The following DPP6 variants were observed in gnomAD, a reference collection of about 807,000 sequenced individuals.
DPP6 encodes A-type potassium channel modulatory protein DPP6.
Under a neutral mutation model 122.6 loss-of-function variants are expected in DPP6, and 69 were observed. That is an observed-to-expected ratio of 0.56 (90% CI 0.46 to 0.69). The LOEUF is 0.69. Among genes scored for constraint, DPP6 ranks in the 30% least tolerant of loss-of-function variants. DPP6 has a pLI of 0.00. For missense variants in DPP6, 928 were observed against 1,116.9 expected (o/e 0.83, Z 2.41); for synonymous variants, 418 against 433.1 (o/e 0.97, Z 0.43).
intron 1 of DPP6, among the ~76,000 whole-genome samples, chr7:154,121,261 C>T (rs373780057): frequency 1.3e-5 from 2 of 152,174 alleles, no homozygotes; most frequent in Admixed American, 6.5e-5. Flanking sequence ...CTATTCTCTA[C>T]GTTATTTACT....
chr7:154,759,666 C>T (rs1587053481), intron 8 of DPP6, among the ~76,000 whole-genome samples: 1 of 152,244 alleles, frequency 6.6e-6, no homozygotes, highest in African/African-American at 2.4e-5. Flanking sequence ...CATTGTTCCA[C>T]AGTGCGCAGG....
intron 16 of DPP6, among the ~76,000 whole-genome samples, chr7:154,842,425 C>G (rs572965803): frequency 6.6e-6 from 1 of 152,080 alleles, no homozygotes; most frequent in Admixed American, 6.6e-5. Context: ...TTAATTACTT[C>G]GTTTTCCTCT....
intron 20 of DPP6, among the ~76,000 whole-genome samples, chr7:154,879,898 G>A (rs1002527785): frequency 4.6e-5 from 7 of 152,186 alleles, no homozygotes; most frequent in East Asian, 1.9e-4. Context: ...TGAGGCCTCC[G>A]CCACGTGGAG....
intron 1 of DPP6, among the ~76,000 whole-genome samples, chr7:154,045,803 G>A (rs539581433): frequency 1.3e-3 from 194 of 152,306 alleles, no homozygotes; most frequent in African/African-American, 4.4e-3. Context: ...GCTTCACTTT[G>A]AGGAGTACTG....
rs544585012 is a variant in DPP6, at chr7:154,352,366, G to A, written c.244-93848G>A. Among the ~76,000 whole-genome samples the A allele has an allele frequency of 2.0e-5, 3 of 152,178 alleles. No individual in the cohort carries two copies. In the South Asian group the frequency reaches 6.2e-4, roughly 32 times the overall value. On this transcript the variant is annotated intron_variant, in intron 1 of 25. Transcript: ENST00000377770. Reference sequence around the variant, plus strand: ...TGGTCCCAGCTACTCAGGAGGCTGAGGCAGGAGAATGGCCAGAACCCGGGA... The same window carrying A: ...TGGTCCCAGCTACTCAGGAGGCTGAAGCAGGAGAATGGCCAGAACCCGGGA...
chr7:154,491,349 G>C (rs191924227), intron 3 of DPP6, among the ~76,000 whole-genome samples: 6 of 152,262 alleles, frequency 3.9e-5, no homozygotes, highest in African/African-American at 1.4e-4. Flanking sequence ...GCTCCCCCAG[G>C]TTCTTCATTA....
chr7:154,086,158 C>T (rs1200675396), intron 1 of DPP6, among the ~76,000 whole-genome samples: 2 of 152,180 alleles, frequency 1.3e-5, no homozygotes, highest in African/African-American at 4.8e-5. Context: ...TCTTGGAATC[C>T]AATGGATCTG....
chr7:154,071,492 A>T (rs561207007), intron 1 of DPP6, among the ~76,000 whole-genome samples: 1 of 152,222 alleles, frequency 6.6e-6, no homozygotes, highest in South Asian at 2.1e-4. Context: ...TCCTTCAGAC[A>T]TAGTAGCTCA....
In DPP6 at chr7:154,269,425, T is replaced by C. The variant is rs115325695; in HGVS notation, c.244-176789T>C. On this transcript the variant is annotated intron_variant, in intron 1 of 25. Coordinates refer to ENST00000377770, the MANE Select transcript of DPP6 (RefSeq NM_130797.4). ...GCGATGTCAGGTACGTAGTCAGTGG[T>C]CACTCAGCCTTGGTTCCCCTTGTCC... Among the ~76,000 whole-genome samples, 422 of 152,284 alleles carry C rather than the reference T, an allele frequency of 2.8e-3. 2 individuals carry two copies. The highest frequency in any genetic ancestry group is 9.8e-3 in the African/African-American group (407 of 41,560).
chr7:154,160,937 G>A (rs559373181), intron 1 of DPP6, among the ~76,000 whole-genome samples: 162 of 152,224 alleles, frequency 1.1e-3, no homozygotes, highest in African/African-American at 3.6e-3. Context: ...TCTTTTGGGG[G>A]TGACTGTGCA....
intron 1 of DPP6, among the ~76,000 whole-genome samples, chr7:154,254,083 A>G (rs1018424040): frequency 2.6e-5 from 4 of 152,360 alleles, no homozygotes; most frequent in Non-Finnish European, 5.9e-5. Context: ...CATAGGGATT[A>G]CAATTTGATG....
chr7:154,864,904 G>T (rs776691193), intron 17 of DPP6, among the ~76,000 whole-genome samples: 1 of 152,182 alleles, frequency 6.6e-6, no homozygotes, highest in Non-Finnish European at 1.5e-5. Context: ...CCTGTGTTCC[G>T]TTAGCTCTAG....
intron 1 of DPP6, among the ~76,000 whole-genome samples, chr7:153,963,370 G>A (rs1183870800): frequency 1.3e-5 from 2 of 149,088 alleles, no homozygotes; most frequent in African/African-American, 2.4e-5. Flanking sequence ...GAGGAAGGAA[G>A]CACCAAAGTA....
At chr7:154,891,875 T>C (rs369720628) in intron 25 of DPP6, among the ~76,000 whole-genome samples, 109 of 152,312 alleles carry the variant, frequency 7.2e-4, no homozygotes, top group African/African-American at 2.5e-3. Context: ...CATGAAATTC[T>C]ATTTCTTTTC....
At chr7:154,449,312 C>T (rs1384995025) in intron 2 of DPP6, among the ~76,000 whole-genome samples, 1 of 152,014 alleles carries the variant, frequency 6.6e-6, no homozygotes, top group Admixed American at 6.6e-5. Context: ...GGCCAAAAAG[C>T]ATATGAAAAG....
At chr7:154,061,557 C>T (rs1341313282) in intron 1 of DPP6, among the ~76,000 whole-genome samples, 2 of 146,634 alleles carry the variant, frequency 1.4e-5, no homozygotes, top group Non-Finnish European at 1.5e-5. Context: ...AAAGGCCCCC[C>T]ATTTTGTGAT....
chr7:153,912,306 G>A (rs760605237), intron 1 of DPP6, among the ~76,000 whole-genome samples: 78 of 152,254 alleles, frequency 5.1e-4, no homozygotes, highest in Non-Finnish European at 2.6e-4. Flanking sequence ...TGGAACCGTC[G>A]CAAAGGATGC....
chr7:154,818,623 G>A (rs371913775), intron 16 of DPP6, among the ~76,000 whole-genome samples: 11 of 152,152 alleles, frequency 7.2e-5, no homozygotes, highest in African/African-American at 2.7e-4. Context: ...AAATGGTTTG[G>A]TTCTACAAAC....
chr7:154,541,771 G>A (rs745432010), intron 4 of DPP6, among the ~76,000 whole-genome samples: 7 of 152,242 alleles, frequency 4.6e-5, no homozygotes, highest in East Asian at 1.9e-4. Context: ...CCTATAATCC[G>A]GGATTAGAGG....
Sources: allele counts gnomAD v4.1 joint callset (sites outside exome capture counted in the v4.1 genomes callset), GRCh38; gene constraint gnomAD v4.1.1; transcripts MANE v1.5; gene names NCBI Gene and HGNC (gene_info 2026-07-23, HGNC 2026-07-21).